Variants in SGCZ observed in about 807,000 individuals in gnomAD.
SGCZ encodes zeta-sarcoglycan.
Under a neutral mutation model 41.3 loss-of-function variants are expected in SGCZ, and 40 were observed. The ratio of observed to expected loss-of-function variants is 0.97; its 90% confidence interval spans 0.75 to 1.26. The LOEUF (loss-of-function observed/expected upper bound fraction) is 1.26. SGCZ is among the 50% of genes most tolerant of loss of function. SGCZ has a pLI of 0.00. For synonymous variants in SGCZ, 206 were observed against 137.5 expected, an observed-to-expected ratio of 1.50 and a Z score of -3.49; for missense variants, 552 against 369.8, an observed-to-expected ratio of 1.49 and a Z score of -4.04.
chr8:15,031,569 A>G (rs1248575337), intron 1 of SGCZ, among the ~76,000 whole-genome samples: 1 of 152,152 alleles, frequency 6.6e-6, no homozygotes, highest in East Asian at 1.9e-4. Flanking sequence ...GGTGGAAACT[A>G]ATGGCCAAGA....
chr8:14,775,460 AGTGTGTGTGTGTGTGT>A (rs71739993), intron 1 of SGCZ, among the ~76,000 whole-genome samples: 7 of 149,318 alleles, frequency 4.7e-5, no homozygotes, highest in South Asian at 2.1e-4. Flanking sequence ...AGAATATTTG[AGTGTGTGTGTGTGTGT>A]GTGTGTGTGT....
intron 2 of SGCZ, among the ~76,000 whole-genome samples, chr8:14,456,882 T>C (rs1800760983): frequency 6.6e-6 from 1 of 152,116 alleles, no homozygotes; most frequent in Non-Finnish European, 1.5e-5. Context: ...AAGTGCGTGG[T>C]ACCTCCCCTC....
intron 5 of SGCZ, among the ~76,000 whole-genome samples, chr8:14,123,751 C>T (rs948133823): frequency 1.3e-5 from 2 of 152,178 alleles, no homozygotes; most frequent in Non-Finnish European, 2.9e-5. Flanking sequence ...CCCCTGCCCT[C>T]AATGGTCTCC....
At position 14,528,528 on chromosome 8, in the gene SGCZ, T is replaced by C. The variant is rs1270315073; in HGVS notation, c.234+26204A>G. 2.0e-5 allele frequency among the ~76,000 whole-genome samples: 3 copies of C among 152,142 alleles called. No individual in the cohort carries two copies. The East Asian group carries it at 5.8e-4, about 29-fold the overall frequency. On this transcript the variant is annotated intron_variant, in intron 2 of 7. Transcript: ENST00000382080. Reference sequence around the variant, plus strand: ...TTTGTTACACCTAGCTTTGTGACATTGAGTAAGTCTCGTTGGCCATTCTGG... The same window carrying C: ...TTTGTTACACCTAGCTTTGTGACATCGAGTAAGTCTCGTTGGCCATTCTGG...
chr8:14,610,931 A>T (rs1004558728), intron 1 of SGCZ, among the ~76,000 whole-genome samples: 2 of 152,190 alleles, frequency 1.3e-5, no homozygotes, highest in African/African-American at 4.8e-5. Context: ...CATGCTTCCA[A>T]ACCTTCATAT....
intron 3 of SGCZ, among the ~76,000 whole-genome samples, chr8:14,269,693 T>C (rs953564535): frequency 6.6e-6 from 1 of 151,996 alleles, no homozygotes; most frequent in African/African-American, 2.4e-5. Flanking sequence ...GAGGACAAAA[T>C]GCTATGACAT....
At chr8:14,806,962 C>A (rs1801555154) in intron 1 of SGCZ, among the ~76,000 whole-genome samples, 1 of 151,740 alleles carries the variant, frequency 6.6e-6, no homozygotes, top group South Asian at 2.1e-4. Context: ...AGCATATAAA[C>A]AGAGCCAAAG....
chr8:14,247,448 T>C (rs1448878683), intron 3 of SGCZ, among the ~76,000 whole-genome samples: 2 of 152,214 alleles, frequency 1.3e-5, no homozygotes, highest in African/African-American at 4.8e-5. Context: ...AATCTATCAC[T>C]TCCTGTATCA....
chr8:14,152,166 T>C, intron 5 of SGCZ, among the ~76,000 whole-genome samples: 1 of 145,880 alleles, frequency 6.9e-6, no homozygotes, highest in African/African-American at 2.4e-5. Context: ...ATAAAATATT[T>C]GCAAACTTAT....
chr8:14,943,278 A>G (rs6530815), intron 1 of SGCZ, among the ~76,000 whole-genome samples: 98,622 of 152,024 alleles, frequency 0.65, 32,514 homozygotes, highest in East Asian at 0.79. Context: ...AAAAATAACA[A>G]CATAATTATT....
chr8:14,521,991 T>C (rs1199852410), intron 2 of SGCZ, among the ~76,000 whole-genome samples: 1 of 152,098 alleles, frequency 6.6e-6, no homozygotes, highest in Non-Finnish European at 1.5e-5. Context: ...TTTAAAATGT[T>C]TTTTTCTAAA....
At chr8:14,858,253 A>G (rs918622463) in intron 1 of SGCZ, among the ~76,000 whole-genome samples, 1 of 151,984 alleles carries the variant, frequency 6.6e-6, no homozygotes, top group African/African-American at 2.4e-5. Flanking sequence ...TTATTTAAAT[A>G]TTAATTAATT....
At chr8:14,186,937 T>G (rs1250894421) in intron 4 of SGCZ, among the ~76,000 whole-genome samples, 1 of 151,934 alleles carries the variant, frequency 6.6e-6, no homozygotes, top group Non-Finnish European at 1.5e-5. Flanking sequence ...TGGAAAAAAG[T>G]TGGGATTTAA....
At chr8:14,831,182 T>G (rs1387108763) in intron 1 of SGCZ, among the ~76,000 whole-genome samples, 2 of 152,140 alleles carry the variant, frequency 1.3e-5, no homozygotes, top group Non-Finnish European at 2.9e-5. Flanking sequence ...CTAATAAAAA[T>G]GTTATAGAGT....
intron 1 of SGCZ, among the ~76,000 whole-genome samples, chr8:14,799,876 G>T (rs531338140): frequency 2.6e-5 from 4 of 152,050 alleles, no homozygotes; most frequent in Non-Finnish European, 4.4e-5. Flanking sequence ...TTTTACTAGA[G>T]AAGAAGAAGA....
At chr8:14,524,907 G>C (rs1457370957) in intron 2 of SGCZ, among the ~76,000 whole-genome samples, 1 of 152,006 alleles carries the variant, frequency 6.6e-6, no homozygotes, top group African/African-American at 2.4e-5. Context: ...GTCTTTTTCT[G>C]CTCCAAATTC....
At chr8:14,443,805 A>T (rs956140468) in intron 2 of SGCZ, among the ~76,000 whole-genome samples, 3 of 152,096 alleles carry the variant, frequency 2.0e-5, no homozygotes, top group Non-Finnish European at 4.4e-5. Flanking sequence ...GACAAAATTG[A>T]CAAATGGGAT....
At chr8:14,777,226 GA>G in intron 1 of SGCZ, among the ~76,000 whole-genome samples, 1 of 152,184 alleles carries the variant, frequency 6.6e-6, no homozygotes, top group South Asian at 2.1e-4. Flanking sequence ...TCATCATGAC[GA>G]CTTGAATTAG....
chr8:14,316,812 GACAC>G (rs55956388), intron 3 of SGCZ, among the ~76,000 whole-genome samples: 12,544 of 142,280 alleles, frequency 0.088, 589 homozygotes, highest in East Asian at 0.14. Context: ...ATTTATTATA[GACAC>G]ACACACACAC....
Sources: allele counts gnomAD v4.1 joint callset (sites outside exome capture counted in the v4.1 genomes callset), GRCh38; gene constraint gnomAD v4.1.1; transcripts MANE v1.5; gene names NCBI Gene and HGNC (gene_info 2026-07-23, HGNC 2026-07-21).